FRK: variants seen among roughly 807,000 people sequenced by gnomAD.
FRK encodes the protein fyn related Src family tyrosine kinase.
Under a neutral mutation model 56.4 loss-of-function variants are expected in FRK, and 51 were observed. That is an observed-to-expected ratio of 0.90 (90% CI 0.72 to 1.14). FRK has a LOEUF of 1.14. Among genes scored for constraint, FRK ranks in the 50% most tolerant of loss-of-function variants. The pLI is 0.00. For synonymous variants in FRK, 245 were observed against 217.9 expected (o/e 1.12, Z -1.10); for missense variants, 570 against 601.4 (o/e 0.95, Z 0.55).
Position 115,937,464 on chromosome 6 carries a change from C to T in FRK, c.*4950G>A, listed in dbSNP as rs1772071009. ...TAGCATCATATGACAGAATCAAATT[C>T]ACACATAACAATACTAACCTTAAAT... is the stretch of plus-strand genomic sequence containing the variant. On this transcript the variant is annotated 3_prime_UTR_variant, in exon 8 of 8. Transcript: ENST00000606080. 6.6e-6 allele frequency: 1 copy of T among 152,142 alleles called. No homozygotes were observed. The highest frequency in any genetic ancestry group is 1.5e-5 in the Non-Finnish European group (1 of 68,022). 9.4% of individuals were successfully genotyped at this position (152,142 alleles called of 1,614,324 possible).
At chr6:116,038,611 A>G in intron 1 of FRK, 1 of 255,908 alleles carries the variant, frequency 3.9e-6, no homozygotes. Context: ...ATGAACCTTA[A>G]GCTTTTGCCC....
the FRK span, among the ~76,000 whole-genome samples, chr6:116,078,101 A>T: frequency 1.2e-4 from 19 of 152,222 alleles, no homozygotes; most frequent in East Asian, 3.8e-4. Context: ...CGAAGGTTGC[A>T]GTGAGCTGAG....
At chr6:116,047,825 A>G (rs1445723123) in intron 1 of FRK, among the ~76,000 whole-genome samples, 2 of 152,252 alleles carry the variant, frequency 1.3e-5, no homozygotes, top group African/African-American at 4.8e-5. Context: ...AGAAAACTCC[A>G]ATGTGCAAGT....
intron 5 of FRK, among the ~76,000 whole-genome samples, chr6:115,945,882 C>A (rs372650888): frequency 6.6e-6 from 1 of 152,074 alleles, no homozygotes; most frequent in Non-Finnish European, 1.5e-5. Flanking sequence ...TTATATAGTA[C>A]AATCAGTTTG....
chr6:116,048,164 C>A (rs952682717), intron 1 of FRK, among the ~76,000 whole-genome samples: 11 of 152,286 alleles, frequency 7.2e-5, no homozygotes, highest in African/African-American at 2.6e-4. Context: ...CTTCAAAATC[C>A]ATTTTTACAG....
In FRK at chr6:115,936,408, T is replaced by C. The variant is rs1406293881; in HGVS notation, c.*6006A>G. 2.6e-5 allele frequency: 4 copies of C among 152,276 alleles called. No individual in the cohort carries two copies. Among genetic ancestry groups the C allele is most frequent in the Non-Finnish European group, 4.4e-5 (3 of 68,024 alleles). 9.4% of individuals were successfully genotyped at this position (152,276 alleles called of 1,614,324 possible). On this transcript the variant is annotated 3_prime_UTR_variant, in exon 8 of 8. Transcript: ENST00000606080. ...CAGCTGAAAATTCAAAAAAACAGAA[T>C]GCCTCTTCTCCTCCAAAGGATCACA...
chr6:116,060,145 C>T lies in FRK; in HGVS notation c.167G>A (p.Arg56Gln). 2 of 1,614,128 alleles carry T rather than the reference C, an allele frequency of 1.2e-6. No homozygotes were observed. The highest frequency in any genetic ancestry group is 1.7e-6 in the Non-Finnish European group (2 of 1,180,024). The change falls in exon 1 of 8, where the codon CGG becomes CAG. Residue 56 changes from arginine (R) to glutamine (Q), a missense_variant. Coordinates refer to ENST00000606080, the MANE Select transcript of FRK (RefSeq NM_002031.3). ...TCGGAAGCTCAAGTCCTCAGCAGTC[C>T]GAGCCTGGTAATCAAACAAAGCCAC... Reference protein sequence around the residue: ...YFVALFDYQARTAEDLSFRAG... With the variant: ...YFVALFDYQAQTAEDLSFRAG...
Position 115,942,129 on chromosome 6 carries a change from A to G in FRK, c.*285T>C. On this transcript the variant is annotated 3_prime_UTR_variant, in exon 8 of 8. Coordinates refer to ENST00000606080, the MANE Select transcript of FRK (RefSeq NM_002031.3). ...GATTCTCTTGATCGACATTTCAAACAATAAATGGAAATGTAAGTATCTCTT... is the reference window on the plus strand; with the variant it reads ...GATTCTCTTGATCGACATTTCAAACGATAAATGGAAATGTAAGTATCTCTT... The G allele has an allele frequency of 7.0e-6, 2 of 287,052 alleles. No individual in the cohort carries two copies. Among genetic ancestry groups the G allele is most frequent in the Non-Finnish European group, 1.3e-5 (2 of 148,746 alleles). 17.8% of individuals were successfully genotyped at this position (287,052 alleles called of 1,614,324 possible).
chr6:115,960,021 A>C (rs1395244571), intron 4 of FRK, among the ~76,000 whole-genome samples: 2 of 152,188 alleles, frequency 1.3e-5, no homozygotes, highest in Non-Finnish European at 2.9e-5. Context: ...CAAGTTAAGA[A>C]GTATTTATCT....
chr6:116,010,770 T>G (rs2114711425), intron 1 of FRK, among the ~76,000 whole-genome samples: 1 of 152,352 alleles, frequency 6.6e-6, no homozygotes, highest in African/African-American at 2.4e-5. Context: ...GTAAAGTGCT[T>G]TATGTCTCGA....
intron 1 of FRK, among the ~76,000 whole-genome samples, chr6:116,017,838 A>G (rs897193381): frequency 5.3e-5 from 8 of 152,174 alleles, no homozygotes; most frequent in African/African-American, 1.9e-4. Flanking sequence ...ATCCTGCCAT[A>G]GCCCACCTTG....
chr6:116,037,755 T>C (rs570599665), intron 1 of FRK, among the ~76,000 whole-genome samples: 2 of 152,346 alleles, frequency 1.3e-5, no homozygotes, highest in South Asian at 4.1e-4. Context: ...TCTTTTCTAA[T>C]GTTTATTAAA....
At chr6:116,092,138 A>C in the FRK span, among the ~76,000 whole-genome samples, 1 of 152,122 alleles carries the variant, frequency 6.6e-6, no homozygotes, top group Non-Finnish European at 1.5e-5. Flanking sequence ...TACCTTCTTT[A>C]GGCACCTGGG....
chr6:116,091,263 G>A, the FRK span, among the ~76,000 whole-genome samples: 1 of 152,180 alleles, frequency 6.6e-6, no homozygotes, highest in Non-Finnish European at 1.5e-5. Flanking sequence ...TCTGTGTCTA[G>A]CTAAAGGATT....
Position 116,060,000 on chromosome 6 carries a change from G to A in FRK, c.312C>T (p.Tyr104=), listed in dbSNP as rs1160423648. The change falls in exon 1 of 8, where the codon TAC becomes TAT. Residue 104 remains tyrosine, a synonymous_variant. Coordinates refer to ENST00000606080, the MANE Select transcript of FRK (RefSeq NM_002031.3). ...QQLQGYIPSN[Y]VAEDRSLQAE... is the part of the protein sequence containing the mutation. ...CCTGTAGGCTTCTGTCCTCAGCCACGTAGTTAGAAGGAATATAGCCTTGTA... is the reference window on the plus strand; with the variant it reads ...CCTGTAGGCTTCTGTCCTCAGCCACATAGTTAGAAGGAATATAGCCTTGTA... 2 of 1,614,166 alleles carry A rather than the reference G, an allele frequency of 1.2e-6. No individual in the cohort carries two copies. Among genetic ancestry groups the A allele is most frequent in the Non-Finnish European group, 1.7e-6 (2 of 1,180,012 alleles).
rs1021116715 is a variant in FRK at position 115,941,748 on chromosome 6, C to T, written c.*666G>A. On this transcript the variant is annotated 3_prime_UTR_variant, in exon 8 of 8. Transcript: ENST00000606080. ...GATTAAAACTAATGTATATGACTCT[C>T]AGTTGACACATACTGAAGTACAGAA... is the stretch of plus-strand genomic sequence containing the variant. 7 of 152,412 alleles carry T rather than the reference C, an allele frequency of 4.6e-5. No individual in the cohort carries two copies. The highest frequency in any genetic ancestry group is 7.3e-5 in the Non-Finnish European group (5 of 68,078). 9.4% of individuals were successfully genotyped at this position (152,412 alleles called of 1,614,324 possible). A position where few individuals can be genotyped will look rare whatever the true frequency, so the allele number is the denominator to read the frequency against.
intron 4 of FRK, among the ~76,000 whole-genome samples, chr6:115,958,703 A>AGAAAGAAAGAAAGAAAGAAAGAAG (rs1562257394): frequency 2.1e-4 from 1 of 4,730 alleles, no homozygotes; most frequent in African/African-American, 6.4e-4. Flanking sequence ...AAAGAAAGAA[A>AGAAAGAAAGAAAGAAAGAAAGAAG]GAAGAAAGAA....
At chr6:116,078,674 A>G in the FRK span, among the ~76,000 whole-genome samples, 2 of 152,218 alleles carry the variant, frequency 1.3e-5, no homozygotes, top group Admixed American at 1.3e-4. Context: ...CATGTATTAT[A>G]ACACAGATAA....
chr6:116,072,505 G>C, the FRK span, among the ~76,000 whole-genome samples: 1 of 149,870 alleles, frequency 6.7e-6, no homozygotes, highest in Admixed American at 6.8e-5. Context: ...TGTTAGAACT[G>C]ATTACATCAC....
Sources: gnomAD v4.1 joint callset for allele counts (sites outside exome capture counted in the v4.1 genomes callset) on GRCh38, gnomAD v4.1.1 for gene constraint, MANE v1.5 for transcripts, NCBI Gene and HGNC (gene_info 2026-07-23, HGNC 2026-07-21) for gene names.